Variants in HMX1 observed in about 807,000 individuals in gnomAD.
HMX1 encodes H6 family homeobox 1, also known as homeobox protein HMX1.
A neutral mutation model predicts 8.9 loss-of-function variants in HMX1; 8 were observed. The observed-to-expected ratio is 0.90, with a 90% CI of 0.53 to 1.63. The LOEUF is 1.63. Ranked by LOEUF, HMX1 falls within the 40% of genes most tolerant of loss-of-function variation. The pLI is 0.00. For missense variants in HMX1, 621 were observed against 558.5 expected (o/e 1.11, Z -1.13); for synonymous variants, 311 against 283.4 (o/e 1.10, Z -0.98).
intron 1 of HMX1, among the ~76,000 whole-genome samples, chr4:8,846,734 C>T (rs1338219946): frequency 3.9e-5 from 6 of 151,938 alleles, no homozygotes; most frequent in Admixed American, 3.3e-4. Flanking sequence ...TTGAACCATA[C>T]ACGGAGCTCC....
At chr4:8,863,734 C>G (rs1026471410), downstream of HMX1, among the ~76,000 whole-genome samples, 2 of 152,268 alleles carry the variant, frequency 1.3e-5, no homozygotes, top group Admixed American at 6.5e-5. Context: ...GCTGCCTGCT[C>G]TCTCGGCCAA....
At position 8,871,571 on chromosome 4, in the gene HMX1, C is replaced by A; in HGVS notation, c.44G>T (p.Arg15Leu). The A allele has an allele frequency of 7.4e-7, 1 of 1,353,226 alleles. No individual in the cohort carries two copies. The highest frequency in any genetic ancestry group is 3.1e-5 in the Admixed American group (1 of 32,034). 83.8% of individuals were successfully genotyped at this position (1,353,226 alleles called of 1,614,324 possible). A position where few individuals can be genotyped will look rare whatever the true frequency, so the allele number is the denominator to read the frequency against. Residue 15 changes from arginine to leucine, a missense_variant, in exon 1 of 2, where the codon CGC becomes CTC. Transcript: ENST00000400677. This position sits in a 1 kb window ranked among gnomAD's most constrained non-coding sequence, Gnocchi z 4.8. The stretch of plus-strand genomic sequence containing the variant: ...GTTCTCGATGAGGAAGGAGGAGGCG[C>A]GGGCCGGCGTGGCGCGCCCGGGCTC... ...LTEPGRATPA[R>L]ASSFLIENLL...
chr4:8,871,297 G>C lies in HMX1; in HGVS notation c.318C>G (p.Phe106Leu). Residue 106 changes from phenylalanine to leucine, a missense_variant, in exon 1 of 2, where the codon TTC (phenylalanine) becomes TTG (leucine). Phe to Leu is a conservative substitution (Grantham distance 22). Coordinates refer to ENST00000400677, the MANE Select transcript of HMX1 (RefSeq NM_018942.3). This position sits in a 1 kb window ranked among gnomAD's most constrained non-coding sequence, Gnocchi z 4.8. Reference sequence around the variant, plus strand: ...GCGCTGCGCCTCCGCAGCCCAGAGCGAAGGGCGGCCCGGGACCGGGGGGCG... The same window carrying C: ...GCGCTGCGCCTCCGCAGCCCAGAGCCAAGGGCGGCCCGGGACCGGGGGGCG... The part of the protein sequence containing the change: ...PRPPPGPGPP[F>L]ALGCGGAARW... The C allele has an allele frequency of 6.9e-7, 1 of 1,442,606 alleles. No individual in the cohort carries two copies. The highest frequency in any genetic ancestry group is 9.1e-7 in the Non-Finnish European group (1 of 1,104,214). 89.4% of individuals were successfully genotyped at this position (1,442,606 alleles called of 1,614,324 possible).
At chr4:8,851,628 C>T (rs573723973) in intron 1 of HMX1, among the ~76,000 whole-genome samples, 47 of 152,320 alleles carry the variant, frequency 3.1e-4, no homozygotes, top group African/African-American at 1.0e-3. Context: ...GCCAGGATGC[C>T]CCCGAAGGGA....
Position 8,867,630 on chromosome 4 carries a change from C to T in HMX1, c.*63G>A. 8.3e-7 allele frequency: 1 copy of T among 1,207,438 alleles called. No individual in the cohort carries two copies. The highest frequency in any genetic ancestry group is 1.0e-6 in the Non-Finnish European group (1 of 971,714). The allele number at this position is 1,207,438 out of a possible 1,614,324, so 74.8% of individuals were successfully genotyped here. A position where few individuals can be genotyped will look rare whatever the true frequency, so the allele number is the denominator to read the frequency against. On this transcript the variant is annotated 3_prime_UTR_variant, in exon 2 of 2. Coordinates refer to ENST00000400677, the MANE Select transcript of HMX1 (RefSeq NM_018942.3). ...TAACGCCCCCTGAGCCCTGCGCCTG[C>T]CGCTGAATCGCGCGTCCACACAGGT...
rs535329944 is a variant in HMX1, at chr4:8,868,494, G to A, written c.395-149C>T. 2.9e-5 allele frequency: 18 copies of A among 615,266 alleles called. No homozygotes were observed. The East Asian group carries it at 4.8e-4, about 16-fold the overall frequency. The allele number at this position is 615,266 out of a possible 1,614,324, so 38.1% of individuals were successfully genotyped here. ...GGGCTGGGCACCCAGCAGCTCTGGG[G>A]ATGCACACATTGTCAGAACCGTGGG... On this transcript the variant is annotated intron_variant, in intron 1 of 1. Transcript: ENST00000400677. This position sits in a 1 kb window ranked among gnomAD's most constrained non-coding sequence, Gnocchi z 4.6.
At position 8,868,722 on chromosome 4, in the gene HMX1, C is replaced by T. The variant is rs998496705; in HGVS notation, c.395-377G>A. Among the ~76,000 whole-genome samples, 1 of 152,162 alleles carries T rather than the reference C, an allele frequency of 6.6e-6. No homozygotes were observed. The highest frequency in any genetic ancestry group is 1.5e-5 in the Non-Finnish European group (1 of 68,032). On this transcript the variant is annotated intron_variant, in intron 1 of 1. Transcript: ENST00000400677. This position sits in a 1 kb window ranked among gnomAD's most constrained non-coding sequence, Gnocchi z 4.6. ...ACTCCCAGCTGCACCACGGGCGGCC[C>T]GGAAAAACACACAAACCTCCCGCAG...
downstream of HMX1, among the ~76,000 whole-genome samples, chr4:8,865,827 G>A (rs1302221180): frequency 6.6e-6 from 1 of 152,192 alleles, no homozygotes; most frequent in Non-Finnish European, 1.5e-5. Context: ...GGACTTCCTG[G>A]TTTAGCCAGG....
At chr4:8,869,936 A>G (rs903840155) in intron 1 of HMX1, among the ~76,000 whole-genome samples, 8 of 152,160 alleles carry the variant, frequency 5.3e-5, no homozygotes, top group Admixed American at 2.0e-4. Context: ...CCAGAAGGGC[A>G]CTAGACAGAG....
rs906777096 is a variant in HMX1 at position 8,868,253 on chromosome 4, C to T, written c.487G>A (p.Glu163Lys). The T allele has an allele frequency of 7.8e-6, 11 of 1,408,354 alleles. No homozygotes were observed. The highest frequency in any genetic ancestry group is 6.1e-5 in the East Asian group (2 of 32,718). The allele number at this position is 1,408,354 out of a possible 1,614,324, so 87.2% of individuals were successfully genotyped here. ...CCACGCGCCGCCAGCTCCGCTGCCT[C>T]CCGCTGCACCGCTCCCGGCCCGGGG... is the stretch of plus-strand genomic sequence containing the variant. Reference protein sequence around the residue: ...RGPGPGAVQREAAELAARGPA... With the variant: ...RGPGPGAVQRKAAELAARGPA... Residue 163 changes from glutamate to lysine, a missense_variant, in exon 2 of 2, where the codon GAG becomes AAG. Physicochemically the swap from Glu to Lys is moderately conservative, Grantham distance 56 (BLOSUM62 1). Coordinates refer to ENST00000400677, the MANE Select transcript of HMX1 (RefSeq NM_018942.3). The surrounding 1 kb of genome is among the most constrained non-coding windows in gnomAD (Gnocchi z 4.6).
chr4:8,865,743 C>T (rs921145562), downstream of HMX1, among the ~76,000 whole-genome samples: 2 of 152,124 alleles, frequency 1.3e-5, no homozygotes, highest in African/African-American at 2.4e-5. Flanking sequence ...CCCCTCATGG[C>T]CGCCAACAGG....
intron 1 of HMX1, among the ~76,000 whole-genome samples, chr4:8,855,264 T>C (rs1721576571): frequency 6.6e-6 from 1 of 152,246 alleles, no homozygotes. Context: ...TGACCTCCAC[T>C]GTGTGGCTGC....
rs1297886410 is a variant in HMX1 at position 8,871,464 on chromosome 4, C to A, written c.151G>T (p.Asp51Tyr). 6 of 1,335,672 alleles carry A rather than the reference C, an allele frequency of 4.5e-6. No homozygotes were observed. The East Asian group carries it at 2.0e-4, about 44-fold the overall frequency. 82.7% of individuals were successfully genotyped at this position (1,335,672 alleles called of 1,614,324 possible). The change falls in exon 1 of 2, where the codon GAC (aspartate) becomes TAC (tyrosine). Residue 51 changes from aspartate to tyrosine, a missense_variant. Physicochemically the swap from Asp to Tyr is radical, Grantham distance 160. Coordinates refer to ENST00000400677, the MANE Select transcript of HMX1 (RefSeq NM_018942.3). This position sits in a 1 kb window ranked among gnomAD's most constrained non-coding sequence, Gnocchi z 4.8. ...SREDEEEDDDDPEDEDAEQAR... is the reference protein window; with the variant it reads ...SREDEEEDDDYPEDEDAEQAR... ...TGCTCGGCGTCCTCGTCTTCGGGGT[C>A]GTCGTCGTCCTCCTCCTCGTCCTCC...
chr4:8,858,469 G>A (rs1369000416), intron 1 of HMX1, among the ~76,000 whole-genome samples: 1 of 152,200 alleles, frequency 6.6e-6, no homozygotes, highest in East Asian at 1.9e-4. Context: ...AAGACCCCAG[G>A]AACTAGCCAG....
In HMX1 at chr4:8,848,455, G is replaced by A. The variant is rs906372631; in HGVS notation, c.395-2131C>T. Among the ~76,000 whole-genome samples, 1 of 152,148 alleles carries A rather than the reference G, an allele frequency of 6.6e-6. No homozygotes were observed. The highest frequency in any genetic ancestry group is 2.4e-5 in the African/African-American group (1 of 41,444). On this transcript the variant is annotated intron_variant, in intron 1 of 1. Coordinates refer to the HMX1 transcript ENST00000506970. The surrounding 1 kb of genome is among the most constrained non-coding windows in gnomAD (Gnocchi z 4.1). ...AAGAGTTTGCGGAAATTTTATGATT[G>A]TTTTTTACTCATCTAGGCAGAGTAC...
At chr4:8,864,273 T>C (rs1485967167), downstream of HMX1, among the ~76,000 whole-genome samples, 1 of 152,120 alleles carries the variant, frequency 6.6e-6, no homozygotes, top group African/African-American at 2.4e-5. Flanking sequence ...ATTACGGTCA[T>C]GGGGAAGTCG....
chr4:8,871,530 C>T lies in HMX1; in HGVS notation c.85G>A (p.Ala29Thr). The change falls in exon 1 of 2, where the codon GCC (alanine) becomes ACC (threonine). Residue 29 changes from alanine to threonine, a missense_variant. Transcript: ENST00000400677. This position sits in a 1 kb window ranked among gnomAD's most constrained non-coding sequence, Gnocchi z 4.8. ...TGGGTCGCGCGCCCTGCGCCCTTGG[C>T]CTCGGCCGCCAGCAGGTTCTCGATG... is the stretch of plus-strand genomic sequence containing the variant. ...FLIENLLAAEAKGAGRATQGD... is the reference protein window; with the variant it reads ...FLIENLLAAETKGAGRATQGD... 1 of 1,355,356 alleles carries T rather than the reference C, an allele frequency of 7.4e-7. No homozygotes were observed. The highest frequency in any genetic ancestry group is 9.5e-7 in the Non-Finnish European group (1 of 1,052,480). The allele number at this position is 1,355,356 out of a possible 1,614,324, so 84.0% of individuals were successfully genotyped here. A position where few individuals can be genotyped will look rare whatever the true frequency, so the allele number is the denominator to read the frequency against.
chr4:8,848,876 C>A lies in HMX1; in HGVS notation c.395-2552G>T, dbSNP rs991631292. On this transcript the variant is annotated intron_variant, in intron 1 of 1. Transcript: ENST00000506970. This position sits in a 1 kb window ranked among gnomAD's most constrained non-coding sequence, Gnocchi z 4.1. ...CCCTGACACTTGGCCATCTGTGCAC[C>A]GTGCTCAAAGCCTCACCTTCCAACT... 6.6e-6 allele frequency among the ~76,000 whole-genome samples: 1 copy of A among 152,332 alleles called. No individual in the cohort carries two copies. The highest frequency in any genetic ancestry group is 1.9e-4 in the East Asian group (1 of 5,184).
At chr4:8,852,247 G>T (rs1721473635) in intron 1 of HMX1, among the ~76,000 whole-genome samples, 1 of 152,250 alleles carries the variant, frequency 6.6e-6, no homozygotes, top group Admixed American at 6.5e-5. Flanking sequence ...AGCCAGCAAG[G>T]CAGACATCCA....
Sources: gnomAD v4.1 joint callset for allele counts (sites outside exome capture counted in the v4.1 genomes callset) on GRCh38, gnomAD v4.1.1 for gene constraint, Gnocchi (gnomAD v3.1) non-coding constraint, MANE v1.5 for transcripts, NCBI Gene and HGNC (gene_info 2026-07-23, HGNC 2026-07-21) for gene names.